The following MTCL2 variants were observed in gnomAD, a reference collection of about 807,000 sequenced individuals.
MTCL2 encodes the protein microtubule cross-linking factor 2.
chr20:36,855,131 G>A, the MTCL2 span, among the ~76,000 whole-genome samples: 1 of 152,244 alleles, frequency 6.6e-6, no homozygotes, highest in African/African-American at 2.4e-5. Flanking sequence ...CAAGCGCCAA[G>A]TGCTGTCGGG....
chr20:36,843,075 G>C, the MTCL2 span, among the ~76,000 whole-genome samples: 3 of 152,178 alleles, frequency 2.0e-5, no homozygotes, highest in African/African-American at 4.8e-5. Flanking sequence ...CCCGTCAGAG[G>C]GACACCTCTG....
the MTCL2 span, chr20:36,862,599 C>A: frequency 7.0e-7 from 1 of 1,423,914 alleles, no homozygotes; most frequent in Non-Finnish European, 9.2e-7. Context: ...GCCTCAGGCC[C>A]GCGGGACTGT....
the MTCL2 span, among the ~76,000 whole-genome samples, chr20:36,810,717 C>CTCTCTCTCTCTCT: frequency 3.0e-4 from 28 of 94,270 alleles, no homozygotes; most frequent in Admixed American, 1.0e-3. Flanking sequence ...TCTCTCTCTC[C>CTCTCTCTCTCTCT]CTCTCTCTCT....
At chr20:36,819,654 G>T in the MTCL2 span, among the ~76,000 whole-genome samples, 1 of 151,720 alleles carries the variant, frequency 6.6e-6, no homozygotes, top group African/African-American at 2.4e-5. Flanking sequence ...TCTGAGGTAG[G>T]TCTGAGACAT....
At chr20:36,815,540 G>A in the MTCL2 span, 11 of 1,571,656 alleles carry the variant, frequency 7.0e-6, no homozygotes, top group East Asian at 7.1e-5. The surrounding 1 kb of genome is among the most constrained non-coding windows in gnomAD (Gnocchi z 5.3). Flanking sequence ...CGTGTGTCTC[G>A]CCCAGGGGAG....
chr20:36,842,398 A>T, the MTCL2 span, among the ~76,000 whole-genome samples: 1 of 152,234 alleles, frequency 6.6e-6, no homozygotes, highest in Non-Finnish European at 1.5e-5. Context: ...TCTCATACAA[A>T]TGTGAAAACC....
At chr20:36,835,567 C>G in the MTCL2 span, among the ~76,000 whole-genome samples, 1 of 152,138 alleles carries the variant, frequency 6.6e-6, no homozygotes, top group Non-Finnish European at 1.5e-5. Flanking sequence ...CACTCGGGTC[C>G]ATCAAGCCCT....
At chr20:36,809,873 C>T in the MTCL2 span, 1 of 1,376,720 alleles carries the variant, frequency 7.3e-7, no homozygotes, top group Non-Finnish European at 9.9e-7. Flanking sequence ...CACACCCAGC[C>T]TCCCCTGACT....
chr20:36,832,674 C>T, the MTCL2 span, among the ~76,000 whole-genome samples: 1 of 152,130 alleles, frequency 6.6e-6, no homozygotes, highest in African/African-American at 2.4e-5. Context: ...TCTTTGCTGT[C>T]TCTACTAAAA....
the MTCL2 span, among the ~76,000 whole-genome samples, chr20:36,808,177 G>A: frequency 6.6e-6 from 1 of 151,136 alleles, no homozygotes; most frequent in African/African-American, 2.4e-5. Context: ...ACCCGGCCAA[G>A]AAACCCTGTC....
the MTCL2 span, among the ~76,000 whole-genome samples, chr20:36,800,989 T>C: frequency 6.6e-6 from 1 of 152,226 alleles, no homozygotes. Flanking sequence ...GAAATATTCA[T>C]GCGTGTGCAG....
At chr20:36,815,648 G>A in the MTCL2 span, 1 of 1,607,518 alleles carries the variant, frequency 6.2e-7, no homozygotes, top group East Asian at 2.2e-5. This position sits in a 1 kb window ranked among gnomAD's most constrained non-coding sequence, Gnocchi z 5.3. Flanking sequence ...GGAGGTTGGA[G>A]AGGAGCACGC....
the MTCL2 span, among the ~76,000 whole-genome samples, chr20:36,813,805 C>A: frequency 1.4e-5 from 2 of 146,102 alleles, no homozygotes; most frequent in Non-Finnish European, 3.0e-5. Flanking sequence ...AGTGCTAAAT[C>A]GCTCTCTTTC....
chr20:36,829,075 C>T, the MTCL2 span: 49 of 1,553,862 alleles, frequency 3.2e-5, no homozygotes, highest in Non-Finnish European at 4.1e-5. Context: ...GCTCCAGCTC[C>T]GTCTGCAGCA....
the MTCL2 span, chr20:36,794,025 G>A: frequency 2.5e-5 from 39 of 1,551,448 alleles, no homozygotes; most frequent in Non-Finnish European, 3.2e-5. This position sits in a 1 kb window ranked among gnomAD's most constrained non-coding sequence, Gnocchi z 5.4. Flanking sequence ...ATGGCCTGGC[G>A]CACACAGTTG....
the MTCL2 span, among the ~76,000 whole-genome samples, chr20:36,822,299 T>C: frequency 6.6e-6 from 1 of 152,230 alleles, no homozygotes; most frequent in Non-Finnish European, 1.5e-5. Flanking sequence ...CTCTGGGCCT[T>C]GGGAGGGCAG....
At chr20:36,822,513 T>C in the MTCL2 span, among the ~76,000 whole-genome samples, 3 of 152,236 alleles carry the variant, frequency 2.0e-5, no homozygotes, top group Non-Finnish European at 2.9e-5. Context: ...AAGCCTGAGC[T>C]ATGTCCTCCC....
At chr20:36,789,677 A>AAT in the MTCL2 span, among the ~76,000 whole-genome samples, 1 of 151,910 alleles carries the variant, frequency 6.6e-6, no homozygotes, top group Non-Finnish European at 1.5e-5. Flanking sequence ...AAAAAAAAAA[A>AAT]AGCGAATTCT....
the MTCL2 span, among the ~76,000 whole-genome samples, chr20:36,831,539 A>G: frequency 6.6e-6 from 1 of 152,226 alleles, no homozygotes; most frequent in East Asian, 1.9e-4. Context: ...CCTGGGCCGA[A>G]GCCCAGCTCG....
Sources: allele counts gnomAD v4.1 joint callset (sites outside exome capture counted in the v4.1 genomes callset), GRCh38; gene constraint gnomAD v4.1.1; non-coding constraint Gnocchi (gnomAD v3.1); transcripts MANE v1.5; gene names NCBI Gene and HGNC (gene_info 2026-07-23, HGNC 2026-07-21).